The following CCSER1 variants were observed in gnomAD, a reference collection of about 807,000 sequenced individuals.
The protein encoded by CCSER1 is serine-rich coiled-coil domain-containing protein 1.
CCSER1 carries 41 observed loss-of-function variants against 82.0 expected under a neutral mutation model. The ratio of observed to expected loss-of-function variants is 0.50; its 90% confidence interval spans 0.39 to 0.65. The LOEUF (loss-of-function observed/expected upper bound fraction) is 0.65. Ranked by LOEUF, CCSER1 falls within the 30% of genes least tolerant of loss-of-function variation. CCSER1 has a pLI of 0.00. For missense variants in CCSER1, 1,119 were observed against 1,064.2 expected, an observed-to-expected ratio of 1.05 and a Z score of -0.72; for synonymous variants, 414 against 383.9, an observed-to-expected ratio of 1.08 and a Z score of -0.92.
In CCSER1 at chr4:91,029,746, AT is replaced by A. The variant is rs536427981; in HGVS notation, c.2173-56203del. ...ATTCTGTAAAGTAAAAATAATAATT[AT>A]GTCTACATCAATGAGCTGTTCTGGT... On this transcript the variant is annotated intron_variant, in intron 9 of 10. Transcript: ENST00000509176. Among the ~76,000 whole-genome samples, 41 of 152,252 alleles carry A rather than the reference AT, an allele frequency of 2.7e-4. No homozygotes were observed. The South Asian group carries it at 8.1e-3, about 30-fold the overall frequency.
intron 8 of CCSER1, among the ~76,000 whole-genome samples, chr4:90,868,331 T>C (rs1211165964): frequency 6.6e-6 from 1 of 151,938 alleles, no homozygotes; most frequent in African/African-American, 2.4e-5. Context: ...CATCCCTTTT[T>C]CCCCCACCAC....
intron 1 of CCSER1, among the ~76,000 whole-genome samples, chr4:90,210,449 T>TC (rs1171316488): frequency 3.9e-5 from 4 of 101,952 alleles, no homozygotes; most frequent in South Asian, 3.5e-4. Flanking sequence ...TCTTTTCTTT[T>TC]CTTTTTTTTT....
At chr4:90,319,284 C>T (rs148049764) in intron 3 of CCSER1, among the ~76,000 whole-genome samples, 1 of 152,240 alleles carries the variant, frequency 6.6e-6, no homozygotes, top group Non-Finnish European at 1.5e-5. Context: ...GCAAAAGAAT[C>T]CCACTGGGCT....
chr4:90,263,255 A>G (rs928230300), intron 1 of CCSER1, among the ~76,000 whole-genome samples: 4 of 152,102 alleles, frequency 2.6e-5, no homozygotes, highest in African/African-American at 9.7e-5. Flanking sequence ...GAGCCAGACT[A>G]CAGTGATTGG....
chr4:90,255,744 G>T (rs1553972851), intron 1 of CCSER1, among the ~76,000 whole-genome samples: 2 of 152,132 alleles, frequency 1.3e-5, no homozygotes, highest in Non-Finnish European at 2.9e-5. Context: ...AAAAAACACA[G>T]TTAAAGCAAG....
At chr4:90,949,628 T>C (rs753332508) in intron 9 of CCSER1, among the ~76,000 whole-genome samples, 31 of 152,172 alleles carry the variant, frequency 2.0e-4, no homozygotes, top group Admixed American at 6.6e-5. Context: ...ATGTCCTTCA[T>C]GCATTCATTC....
At chr4:90,892,447 T>G (rs1456417155) in intron 8 of CCSER1, among the ~76,000 whole-genome samples, 1 of 152,046 alleles carries the variant, frequency 6.6e-6, no homozygotes, top group African/African-American at 2.4e-5. Flanking sequence ...ACTCCAGCTT[T>G]CCTTTGATTT....
chr4:90,235,623 A>G (rs965902124), intron 1 of CCSER1, among the ~76,000 whole-genome samples: 3 of 152,198 alleles, frequency 2.0e-5, no homozygotes, highest in African/African-American at 7.2e-5. Flanking sequence ...GCAAAAATTG[A>G]ATCATGATAA....
intron 10 of CCSER1, among the ~76,000 whole-genome samples, chr4:91,160,518 CA>C (rs1383450627): frequency 6.6e-6 from 1 of 152,142 alleles, no homozygotes; most frequent in African/African-American, 2.4e-5. Flanking sequence ...ACCAACAGTG[CA>C]AAAGTGTTCC....
chr4:91,486,651 C>T (rs1208333311), intron 10 of CCSER1, among the ~76,000 whole-genome samples: 9 of 152,012 alleles, frequency 5.9e-5, no homozygotes, highest in Non-Finnish European at 1.5e-5. Context: ...AGCATAACAA[C>T]TATTTACATA....
intron 7 of CCSER1, among the ~76,000 whole-genome samples, chr4:90,809,140 A>C (rs1430649560): frequency 7.0e-6 from 1 of 143,580 alleles, no homozygotes; most frequent in Admixed American, 7.0e-5. Context: ...CAACAAAGTG[A>C]GACCCCATTT....
intron 10 of CCSER1, among the ~76,000 whole-genome samples, chr4:91,186,073 C>A (rs919878450): frequency 1.3e-5 from 2 of 152,168 alleles, no homozygotes; most frequent in Non-Finnish European, 2.9e-5. Flanking sequence ...TGAATTCCTG[C>A]CTGAATAGAA....
chr4:90,867,753 T>C (rs1406547279), intron 8 of CCSER1, among the ~76,000 whole-genome samples: 1 of 152,064 alleles, frequency 6.6e-6, no homozygotes, highest in Admixed American at 6.6e-5. Flanking sequence ...ATGAGCTTAA[T>C]TATCTTAATT....
intron 10 of CCSER1, among the ~76,000 whole-genome samples, chr4:91,438,321 T>G (rs1308981844): frequency 6.6e-6 from 1 of 152,168 alleles, no homozygotes; most frequent in African/African-American, 2.4e-5. Flanking sequence ...CATTCGCGGT[T>G]CATGAAAATC....
At position 90,333,081 on chromosome 4, in the gene CCSER1, A is replaced by G. The variant is rs557591555; in HGVS notation, c.1509+20034A>G. Among the ~76,000 whole-genome samples, 11 of 152,270 alleles carry G rather than the reference A, an allele frequency of 7.2e-5. No individual in the cohort carries two copies. In the South Asian group the frequency reaches 1.9e-3, roughly 26 times the overall value. Reference sequence around the variant, plus strand: ...TTCACTATTAGATTCAGCTTATGCAATTTTTGGAAGAGAAACTACATGTGT... The same window carrying G: ...TTCACTATTAGATTCAGCTTATGCAGTTTTTGGAAGAGAAACTACATGTGT... On this transcript the variant is annotated intron_variant, in intron 3 of 10. Transcript: ENST00000509176.
At chr4:91,139,636 AC>A (rs1235589247) in intron 10 of CCSER1, among the ~76,000 whole-genome samples, 2 of 152,140 alleles carry the variant, frequency 1.3e-5, no homozygotes, top group Non-Finnish European at 2.9e-5. Context: ...ATCTTTCAAG[AC>A]CCATAGCAAA....
At chr4:90,362,265 A>G (rs1026544289) in intron 3 of CCSER1, among the ~76,000 whole-genome samples, 3 of 152,192 alleles carry the variant, frequency 2.0e-5, no homozygotes, top group African/African-American at 4.8e-5. Flanking sequence ...CAACCTTTAC[A>G]GTTCTTGATA....
intron 10 of CCSER1, among the ~76,000 whole-genome samples, chr4:91,231,632 A>G (rs1738635847): frequency 6.6e-6 from 1 of 151,862 alleles, no homozygotes; most frequent in African/African-American, 2.4e-5. Context: ...TCCTCTTTCA[A>G]AGACATTTTG....
At chr4:90,223,991 G>C (rs755405361) in intron 1 of CCSER1, among the ~76,000 whole-genome samples, 10 of 152,184 alleles carry the variant, frequency 6.6e-5, no homozygotes, top group African/African-American at 2.4e-4. Flanking sequence ...GTAAATATGT[G>C]TCGAATAACT....
Sources: allele counts gnomAD v4.1 joint callset (sites outside exome capture counted in the v4.1 genomes callset), GRCh38; gene constraint gnomAD v4.1.1; transcripts MANE v1.5; gene names NCBI Gene and HGNC (gene_info 2026-07-23, HGNC 2026-07-21).